SYTL2: variants seen among roughly 807,000 people sequenced by gnomAD.
SYTL2 encodes synaptotagmin-like protein 2.
A neutral mutation model predicts 198.7 loss-of-function variants in SYTL2; 165 were observed. The observed-to-expected ratio is 0.83, with a 90% CI of 0.73 to 0.94. The LOEUF is 0.94. Ranked by LOEUF, SYTL2 falls within the 40% of genes least tolerant of loss-of-function variation. The probability of loss-of-function intolerance (pLI) is 0.00; values close to 1 mark genes in which losing one functional copy is unlikely to be tolerated. For missense variants in SYTL2, 2,835 were observed against 2,582.8 expected (o/e 1.10, Z -2.12); for synonymous variants, 966 against 917.7 (o/e 1.05, Z -0.95).
In SYTL2 at chr11:85,726,415, C is replaced by T; in HGVS notation, c.2943G>A (p.Gln981=). The change falls in exon 8 of 20, where the codon CAG becomes CAA. Residue 981 remains glutamine, a synonymous_variant. Coordinates refer to ENST00000359152, the MANE Select transcript of SYTL2 (RefSeq NM_206927.4). ...CCCAAAACTTTCTCAAATTCTCAAA[C>T]TGAGAGGGATTATAGACCTGTTCTG... ...PNAEQVYNPS[Q]FENLRKFWDL... is the part of the protein sequence containing the mutation. 6.2e-7 allele frequency: 1 copy of T among 1,613,210 alleles called. No individual in the cohort carries two copies. The highest frequency in any genetic ancestry group is 8.5e-7 in the Non-Finnish European group (1 of 1,179,722).
the SYTL2 span, among the ~76,000 whole-genome samples, chr11:85,848,829 T>C: frequency 1.3e-5 from 2 of 152,324 alleles, no homozygotes; most frequent in South Asian, 2.1e-4. Flanking sequence ...GCTCCTCTTA[T>C]ATCTGAGAAA....
chr11:85,762,208 C>A (rs1020058844), intron 1 of SYTL2, among the ~76,000 whole-genome samples: 2 of 152,230 alleles, frequency 1.3e-5, no homozygotes, highest in Admixed American at 6.5e-5. Flanking sequence ...CCAGACCCGG[C>A]AGTCAGAACG....
Position 85,791,538 on chromosome 11 carries a change from CTAAACA to C in SYTL2, c.-390+19410_-390+19415del, listed in dbSNP as rs2092730936. Among the ~76,000 whole-genome samples the C allele has an allele frequency of 3.3e-5, 5 of 152,332 alleles. No individual in the cohort carries two copies. In the South Asian group the frequency reaches 1.0e-3, roughly 32 times the overall value. ...ATAATGAGGATTGGGATGATGAACT[CTAAACA>C]TCTTTCCTGTTCTAAAGGTCAACCA... is the stretch of plus-strand genomic sequence containing the variant. On this transcript the variant is annotated intron_variant, in intron 1 of 19. Transcript: ENST00000359152.
Position 85,737,603 on chromosome 11 carries a change from G to A in SYTL2, c.443C>T (p.Thr148Ile), listed in dbSNP as rs1407244085. ...SSVIDMSQEN[T>I]RKPNVSPEKQ... ...CTCTGGAGACACATTTGGTTTCCTTGTGTTTTCCTGGGACATATCAATCAC... is the reference window on the plus strand; with the variant it reads ...CTCTGGAGACACATTTGGTTTCCTTATGTTTTCCTGGGACATATCAATCAC... Residue 148 changes from threonine (T) to isoleucine (I), a missense_variant, in exon 5 of 20, where the codon ACA becomes ATA. Thr to Ile is a moderately conservative substitution (Grantham distance 89). Transcript: ENST00000359152. 2.5e-6 allele frequency: 4 copies of A among 1,613,906 alleles called. No homozygotes were observed. The highest frequency in any genetic ancestry group is 3.4e-6 in the Non-Finnish European group (4 of 1,179,838).
intron 1 of SYTL2, among the ~76,000 whole-genome samples, chr11:85,790,332 A>C (rs1042739517): frequency 2.0e-5 from 3 of 152,160 alleles, no homozygotes; most frequent in African/African-American, 7.2e-5. Flanking sequence ...ACCTAATATA[A>C]TATCAAGAGA....
chr11:85,781,557 A>C (rs2092559982), intron 1 of SYTL2, among the ~76,000 whole-genome samples: 1 of 152,208 alleles, frequency 6.6e-6, no homozygotes, highest in African/African-American at 2.4e-5. Flanking sequence ...CCACAGTTCA[A>C]AGACTCATCT....
At chr11:85,817,897 C>CTTTTT in the SYTL2 span, among the ~76,000 whole-genome samples, 15 of 119,886 alleles carry the variant, frequency 1.3e-4, 3 homozygotes, top group Non-Finnish European at 8.4e-5. Flanking sequence ...ACCTTTGTGT[C>CTTTTT]TTTTCTTTTT....
chr11:85,696,712 T>A (rs549546015), intron 18 of SYTL2, among the ~76,000 whole-genome samples: 1 of 152,318 alleles, frequency 6.6e-6, no homozygotes, highest in Admixed American at 6.5e-5. Context: ...TTCATAAGGC[T>A]AAAATTAGAA....
the SYTL2 span, among the ~76,000 whole-genome samples, chr11:85,818,660 TC>T: frequency 9.9e-3 from 1,459 of 146,930 alleles, 28 homozygotes; most frequent in African/African-American, 0.036. Flanking sequence ...TAAATTACTA[TC>T]TATCTATCTA....
At chr11:85,782,865 C>G (rs73519658) in intron 1 of SYTL2, among the ~76,000 whole-genome samples, 8,673 of 152,274 alleles carry the variant, frequency 0.057, 782 homozygotes, top group African/African-American at 0.19. Context: ...GAGACCACCT[C>G]AATCTGGACT....
chr11:85,726,581 A>G lies in SYTL2; in HGVS notation c.2777T>C (p.Ile926Thr), dbSNP rs755746829. ...VADSLPSRRN[I>T]TLPALQPPSN... ...GGGAGGTTGCAGTGCTGGTAAAGTA[A>G]TGTTTCTTCTAGAAGGCAAACTGTC... Residue 926 changes from isoleucine to threonine, a missense_variant, in exon 8 of 20, where the codon ATT (isoleucine) becomes ACT (threonine). Ile to Thr is a moderately conservative substitution (Grantham distance 89). Transcript: ENST00000359152. The G allele has an allele frequency of 6.3e-7, 1 of 1,577,212 alleles. No individual in the cohort carries two copies. The highest frequency in any genetic ancestry group is 1.1e-5 in the South Asian group (1 of 88,990).
chr11:85,778,408 A>G (rs998020795), intron 1 of SYTL2, among the ~76,000 whole-genome samples: 4 of 152,190 alleles, frequency 2.6e-5, no homozygotes, highest in Non-Finnish European at 4.4e-5. Flanking sequence ...CTTTCTACCA[A>G]AGAGAATTTA....
intron 1 of SYTL2, among the ~76,000 whole-genome samples, chr11:85,797,109 C>G (rs534232175): frequency 5.9e-5 from 9 of 152,078 alleles, no homozygotes; most frequent in South Asian, 2.1e-4. Context: ...GAGGATTGCT[C>G]GAGCCCAGGA....
At chr11:85,823,610 G>A in the SYTL2 span, among the ~76,000 whole-genome samples, 1 of 151,842 alleles carries the variant, frequency 6.6e-6, no homozygotes, top group African/African-American at 2.4e-5. Flanking sequence ...AACACTTGTG[G>A]TCAATTCTAT....
Position 85,725,353 on chromosome 11 carries a change from C to A in SYTL2, c.4005G>T (p.Gln1335His), listed in dbSNP as rs2153463919. Residue 1335 changes from glutamine to histidine, a missense_variant, in exon 8 of 20, where the codon CAG (glutamine) becomes CAT (histidine). Physicochemically the swap from Gln to His is conservative, Grantham distance 24. Transcript: ENST00000359152. ...TAGCCTGGGGAACAAGATGAGCATCCTGGGGAAAAAGCATATCTTGGGGAG... is the reference window on the plus strand; with the variant it reads ...TAGCCTGGGGAACAAGATGAGCATCATGGGGAAAAAGCATATCTTGGGGAG... The part of the protein sequence containing the change: ...ASPPQDMLFP[Q>H]DAHLVPQARV... The A allele has an allele frequency of 6.2e-7, 1 of 1,613,808 alleles. No homozygotes were observed. Among genetic ancestry groups the A allele is most frequent in the African/African-American group, 1.3e-5 (1 of 75,030 alleles).
At chr11:85,710,913 A>G (rs956227728) in intron 13 of SYTL2, among the ~76,000 whole-genome samples, 200 bp downstream of exon 13, 1 of 152,236 alleles carries the variant, frequency 6.6e-6, no homozygotes, top group South Asian at 2.1e-4. Flanking sequence ...CCCCACAAAG[A>G]TTTGTTTATG....
At chr11:85,793,660 G>A (rs949259564) in intron 1 of SYTL2, among the ~76,000 whole-genome samples, 6 of 152,122 alleles carry the variant, frequency 3.9e-5, no homozygotes, top group Admixed American at 1.3e-4. Flanking sequence ...AAAAATGAAG[G>A]ACATGCTCTC....
At position 85,724,574 on chromosome 11, in the gene SYTL2, T is replaced by C. The variant is rs1410728014; in HGVS notation, c.4784A>G (p.Glu1595Gly). Reference sequence around the variant, plus strand: ...CCTGGTCTGCTCTGACTGTGAGGACTCCTTCTCGTGAGTTTCTTCTCTCAC... The same window carrying C: ...CCTGGTCTGCTCTGACTGTGAGGACCCCTTCTCGTGAGTTTCTTCTCTCAC... ...VSVREETHEKESSQSEQTRFL... is the reference protein window; with the variant it reads ...VSVREETHEKGSSQSEQTRFL... The change falls in exon 8 of 20, where the codon GAG becomes GGG. Residue 1595 changes from glutamate to glycine, a missense_variant. Glu to Gly is a moderately conservative substitution (Grantham distance 98). Transcript: ENST00000359152. 4 of 1,613,380 alleles carry C rather than the reference T, an allele frequency of 2.5e-6. No homozygotes were observed. Among genetic ancestry groups the C allele is most frequent in the Non-Finnish European group, 3.4e-6 (4 of 1,179,834 alleles).
Position 85,736,516 on chromosome 11 carries a change from G to A in SYTL2, c.571C>T (p.Gln191Ter). The A allele has an allele frequency of 6.3e-7, 1 of 1,575,666 alleles. No homozygotes were observed. The highest frequency in any genetic ancestry group is 1.7e-4 in the Middle Eastern group (1 of 5,986). The change falls in exon 6 of 20, where the codon CAG becomes TAG. Residue 191 changes from glutamine (Q) to a stop codon, truncating the protein, a stop_gained. Transcript: ENST00000359152. LOFTEE classifies it high-confidence loss of function. ...TAATATTTACCCTCTTTTGAAGTCT[G>A]AAATAAACCAGTTCTTCCATTTTTT... ...QSKNGRTGLF[Q>*]TSKEDELSES...
Sources: gnomAD v4.1 joint callset for allele counts (sites outside exome capture counted in the v4.1 genomes callset) on GRCh38, gnomAD v4.1.1 for gene constraint, MANE v1.5 for transcripts, NCBI Gene and HGNC (gene_info 2026-07-23, HGNC 2026-07-21) for gene names.